The following CNTNAP5 variants were observed in gnomAD, a reference collection of about 807,000 sequenced individuals.
CNTNAP5 encodes the protein contactin-associated protein-like 5.
A neutral mutation model predicts 150.2 loss-of-function variants in CNTNAP5; 72 were observed. That is an observed-to-expected ratio of 0.48 (90% CI 0.40 to 0.58). The LOEUF (loss-of-function observed/expected upper bound fraction) is 0.58. Ranked by LOEUF, CNTNAP5 falls within the 20% of genes least tolerant of loss-of-function variation. CNTNAP5 has a pLI of 0.00. For missense variants in CNTNAP5, 1,636 were observed against 1,626.2 expected, an observed-to-expected ratio of 1.01 and a Z score of -0.10; for synonymous variants, 672 against 619.8, an observed-to-expected ratio of 1.08 and a Z score of -1.25.
At chr2:124,456,311 CAATAAATA>C (rs747992261) in intron 6 of CNTNAP5, among the ~76,000 whole-genome samples, 1 of 151,682 alleles carries the variant, frequency 6.6e-6, no homozygotes, top group African/African-American at 2.4e-5. Flanking sequence ...ACAATAACTG[CAATAAATA>C]AATAAATAAA....
intron 13 of CNTNAP5, among the ~76,000 whole-genome samples, chr2:124,706,279 G>A: frequency 6.6e-6 from 1 of 152,166 alleles, no homozygotes; most frequent in East Asian, 1.9e-4. Flanking sequence ...TTTCTGCAGT[G>A]TCAACTCTTT....
chr2:124,348,297 A>G (rs542378070), intron 3 of CNTNAP5, among the ~76,000 whole-genome samples: 45 of 152,230 alleles, frequency 3.0e-4, no homozygotes, highest in Admixed American at 9.8e-4. Context: ...ATTCCTTTTA[A>G]TTTAGATTAA....
At chr2:124,667,287 T>G (rs1041052215) in intron 13 of CNTNAP5, among the ~76,000 whole-genome samples, 1 of 152,210 alleles carries the variant, frequency 6.6e-6, no homozygotes, top group Non-Finnish European at 1.5e-5. Context: ...CTGTGCAATC[T>G]CAGAGGATTG....
At chr2:124,348,382 G>A (rs1377717839) in intron 3 of CNTNAP5, among the ~76,000 whole-genome samples, 1 of 152,020 alleles carries the variant, frequency 6.6e-6, no homozygotes, top group Non-Finnish European at 1.5e-5. Flanking sequence ...ACAACCGAGG[G>A]CATCCTCGTT....
intron 11 of CNTNAP5, among the ~76,000 whole-genome samples, chr2:124,604,307 T>C (rs1697054139): frequency 6.6e-6 from 1 of 152,196 alleles, no homozygotes; most frequent in Non-Finnish European, 1.5e-5. Context: ...GTTTAATAGT[T>C]TCATAATATA....
At chr2:124,056,233 T>C (rs1229011785) in intron 1 of CNTNAP5, among the ~76,000 whole-genome samples, 2 of 152,156 alleles carry the variant, frequency 1.3e-5, no homozygotes, top group Non-Finnish European at 2.9e-5. Flanking sequence ...GCTTCCAAAT[T>C]AGAGAGAAGC....
intron 11 of CNTNAP5, among the ~76,000 whole-genome samples, chr2:124,591,710 T>C (rs965967763): frequency 5.3e-5 from 8 of 152,192 alleles, no homozygotes; most frequent in African/African-American, 1.9e-4. Context: ...CTTACCTTAA[T>C]GGTGGGAACA....
intron 3 of CNTNAP5, among the ~76,000 whole-genome samples, chr2:124,299,028 A>G (rs1381842353): frequency 1.3e-5 from 2 of 152,312 alleles, no homozygotes; most frequent in East Asian, 3.9e-4. Flanking sequence ...CTCGCAGACA[A>G]TTTGAAGGGG....
At chr2:124,654,163 G>A (rs1462507392) in intron 13 of CNTNAP5, among the ~76,000 whole-genome samples, 1 of 152,112 alleles carries the variant, frequency 6.6e-6, no homozygotes, top group Non-Finnish European at 1.5e-5. Context: ...GGCTAGAGGA[G>A]GAGCAAGGGT....
intron 13 of CNTNAP5, among the ~76,000 whole-genome samples, chr2:124,710,635 C>T (rs750713842): frequency 1.3e-5 from 2 of 152,226 alleles, no homozygotes; most frequent in East Asian, 1.9e-4. Context: ...CTTTCCTGGA[C>T]ATTTTGCAGC....
chr2:124,467,254 G>A (rs1468087491), intron 6 of CNTNAP5, among the ~76,000 whole-genome samples: 1 of 152,138 alleles, frequency 6.6e-6, no homozygotes, highest in African/African-American at 2.4e-5. Flanking sequence ...CCTGGTTGAG[G>A]AAGATGGTTG....
intron 3 of CNTNAP5, among the ~76,000 whole-genome samples, chr2:124,347,779 A>G (rs1378786049): frequency 6.6e-6 from 1 of 152,126 alleles, no homozygotes; most frequent in East Asian, 1.9e-4. Flanking sequence ...GTTTACATAT[A>G]CACCCACACA....
chr2:124,264,610 G>C (rs1001873470), intron 3 of CNTNAP5, among the ~76,000 whole-genome samples: 4 of 152,176 alleles, frequency 2.6e-5, no homozygotes, highest in African/African-American at 9.6e-5. Context: ...TTAGGAGCAA[G>C]ACTGAAATTA....
In CNTNAP5 at chr2:124,461,749, C is replaced by T. The variant is rs371573175; in HGVS notation, c.919-12990C>T. Among the ~76,000 whole-genome samples the T allele has an allele frequency of 7.3e-5, 11 of 150,880 alleles. No homozygotes were observed. The East Asian group carries it at 9.8e-4, about 13-fold the overall frequency. ...ATGCATGCCTGTAATCCCAACTACT[C>T]GGGAGGCTGAGGCAGGAGAATCGCT... On this transcript the variant is annotated intron_variant, in intron 6 of 23. Transcript: ENST00000682447.
chr2:124,630,920 T>C (rs867914539), intron 12 of CNTNAP5, among the ~76,000 whole-genome samples: 15 of 152,082 alleles, frequency 9.9e-5, no homozygotes, highest in South Asian at 4.2e-4. Context: ...AGCATTCCTA[T>C]ACACCAACAA....
rs994126015 is a variant in CNTNAP5, at chr2:124,227,083, G to A, written c.187+5274G>A. On this transcript the variant is annotated intron_variant, in intron 2 of 23. Coordinates refer to ENST00000682447, the MANE Select transcript of CNTNAP5 (RefSeq NM_001367498.1). The stretch of plus-strand genomic sequence containing the variant: ...TCCACATGAGTTTCACAGGACAAAC[G>A]TTCAAGTTATAGCAGTGTCATATCC... Among the ~76,000 whole-genome samples, 16 of 152,040 alleles carry A rather than the reference G, an allele frequency of 1.1e-4. 1 individual carries two copies. The highest frequency in any genetic ancestry group is 2.9e-4 in the African/African-American group (12 of 41,406).
intron 3 of CNTNAP5, among the ~76,000 whole-genome samples, chr2:124,387,586 A>T (rs1690962481): frequency 6.6e-6 from 1 of 152,184 alleles, no homozygotes. Flanking sequence ...GGGGAGAATT[A>T]CAAAGAACCT....
chr2:124,241,420 T>C (rs1309124007), intron 2 of CNTNAP5, among the ~76,000 whole-genome samples: 1 of 152,124 alleles, frequency 6.6e-6, no homozygotes, highest in African/African-American at 2.4e-5. Flanking sequence ...TCCATCGAAC[T>C]TTCCACCTTT....
At chr2:124,394,536 T>C (rs1444953824) in intron 3 of CNTNAP5, among the ~76,000 whole-genome samples, 3 of 152,142 alleles carry the variant, frequency 2.0e-5, no homozygotes, top group Non-Finnish European at 2.9e-5. Flanking sequence ...TAGACTTCCA[T>C]GGACAATTCA....
Sources: allele counts gnomAD v4.1 joint callset (sites outside exome capture counted in the v4.1 genomes callset), GRCh38; gene constraint gnomAD v4.1.1; transcripts MANE v1.5; gene names NCBI Gene and HGNC (gene_info 2026-07-23, HGNC 2026-07-21).